The following ARID1A variants were observed in gnomAD, a reference collection of about 807,000 sequenced individuals.
The protein encoded by ARID1A is AT-rich interaction domain 1A, also known as AT-rich interactive domain-containing protein 1A.
Under a neutral mutation model 212.6 loss-of-function variants are expected in ARID1A, and 20 were observed. The ratio of observed to expected loss-of-function variants is 0.09; its 90% CI spans 0.07 to 0.14. ARID1A has a LOEUF of 0.14. Among genes scored for constraint, ARID1A ranks in the 10% least tolerant of loss-of-function variants. The probability of loss-of-function intolerance (pLI) is 1.00; values close to 1 mark genes in which losing one functional copy is unlikely to be tolerated. For synonymous variants in ARID1A, 1,376 were observed against 1,222.1 expected, an observed-to-expected ratio of 1.13 and a Z score of -2.63; for missense variants, 2,587 against 3,059.0, an observed-to-expected ratio of 0.85 and a Z score of 3.64.
chr1:26,722,931 A>G (rs373974221), intron 1 of ARID1A, among the ~76,000 whole-genome samples: 2 of 152,242 alleles, frequency 1.3e-5, no homozygotes, highest in African/African-American at 4.8e-5. Context: ...ATGTTTCCCC[A>G]CTATTTAAAA....
intron 1 of ARID1A, among the ~76,000 whole-genome samples, chr1:26,706,277 C>T (rs1186236842): frequency 1.3e-5 from 2 of 152,158 alleles, no homozygotes; most frequent in African/African-American, 2.4e-5. Context: ...TTTTCCATGG[C>T]TCATCACTAG....
chr1:26,709,047 C>T (rs1199254237), intron 1 of ARID1A, among the ~76,000 whole-genome samples: 1 of 152,050 alleles, frequency 6.6e-6, no homozygotes, highest in Non-Finnish European at 1.5e-5. Flanking sequence ...AAGTTGAGTG[C>T]CACATACAAA....
At chr1:26,747,049 AAAAC>A (rs760121756) in intron 4 of ARID1A, among the ~76,000 whole-genome samples, 39 of 152,290 alleles carry the variant, frequency 2.6e-4, no homozygotes, top group Non-Finnish European at 2.1e-4. Flanking sequence ...TCAAAAAAAC[AAAAC>A]AAACAAACAA....
At chr1:26,702,024 C>G (rs2080335915) in intron 1 of ARID1A, among the ~76,000 whole-genome samples, 1 of 152,100 alleles carries the variant, frequency 6.6e-6, no homozygotes, top group African/African-American at 2.4e-5. Flanking sequence ...TTCATAAGTT[C>G]AGTGTTGATA....
Position 26,705,142 on chromosome 1 carries a change from C to T in ARID1A, c.1137+7602C>T, listed in dbSNP as rs552713317. 3.3e-5 allele frequency among the ~76,000 whole-genome samples: 5 copies of T among 151,680 alleles called. No homozygotes were observed. The East Asian group carries it at 7.8e-4, about 24-fold the overall frequency. ...TGCTCCAGTACAGAAGTACTGCAGA[C>T]CTTTTTTTTTTTTTGAGATGGAGTC... On this transcript the variant is annotated intron_variant, in intron 1 of 19. Coordinates refer to ENST00000324856, the MANE Select transcript of ARID1A (RefSeq NM_006015.6).
intron 1 of ARID1A, among the ~76,000 whole-genome samples, chr1:26,725,910 G>A (rs768062595): frequency 2.7e-5 from 4 of 148,642 alleles, no homozygotes; most frequent in South Asian, 2.1e-4. Flanking sequence ...GCTGGAGTGC[G>A]GTGGCACAAT....
intron 19 of ARID1A, among the ~76,000 whole-genome samples, chr1:26,777,657 G>T (rs913686974): frequency 1.3e-5 from 2 of 152,142 alleles, no homozygotes; most frequent in East Asian, 3.9e-4. Flanking sequence ...TACTGGCTGG[G>T]TGCAGTGGCT....
In ARID1A at chr1:26,774,950, C is replaced by T. The variant is rs1374393812; in HGVS notation, c.4723C>T (p.Pro1575Ser). Residue 1575 changes from proline to serine, a missense_variant, in exon 18 of 20, where the codon CCA becomes TCA. Physicochemically the swap from Pro to Ser is moderately conservative, Grantham distance 74. Coordinates refer to ENST00000324856, the MANE Select transcript of ARID1A (RefSeq NM_006015.6). This position sits in a 1 kb window ranked among gnomAD's most constrained non-coding sequence, Gnocchi z 5.6. ...TRPPPSNYQP[P>S]PSMQNHIPQV... ...GCCCCCTCCATCTAACTACCAGCCC[C>T]CACCAAGCATGCAGAATCACATTCC... 4 of 1,451,518 alleles carry T rather than the reference C, an allele frequency of 2.8e-6. No homozygotes were observed. The East Asian group carries it at 1.1e-4, about 41-fold the overall frequency. The allele number at this position is 1,451,518 out of a possible 1,614,324, so 89.9% of individuals were successfully genotyped here. A position where few individuals can be genotyped will look rare whatever the true frequency, so the allele number is the denominator to read the frequency against.
intron 1 of ARID1A, among the ~76,000 whole-genome samples, chr1:26,702,538 C>T (rs1442714711): frequency 6.6e-6 from 1 of 152,164 alleles, no homozygotes; most frequent in African/African-American, 2.4e-5. Flanking sequence ...GCTGAGCTGT[C>T]AATATGTACC....
Position 26,731,192 on chromosome 1 carries a change from A to C in ARID1A, c.1391A>C (p.Gln464Pro), listed in dbSNP as rs2080672701. The change falls in exon 3 of 20, where the codon CAA becomes CCA. Residue 464 changes from glutamine (Q) to proline (P), a missense_variant. Physicochemically the swap from Gln to Pro is moderately conservative, Grantham distance 76 (BLOSUM62 -1). Coordinates refer to ENST00000324856, the MANE Select transcript of ARID1A (RefSeq NM_006015.6). ...CAACAAGGCCCCAGCGGGTATGGTC[A>C]ACAGGGCCAGACTCCATATTACAAC... Reference protein sequence around the residue: ...YGQQGPSGYGQQGQTPYYNQQ... With the variant: ...YGQQGPSGYGPQGQTPYYNQQ... 6.2e-7 allele frequency: 1 copy of C among 1,613,964 alleles called. No homozygotes were observed.
intron 1 of ARID1A, among the ~76,000 whole-genome samples, chr1:26,699,837 A>C (rs1478358870): frequency 1.3e-5 from 2 of 152,206 alleles, no homozygotes; most frequent in Non-Finnish European, 2.9e-5. Flanking sequence ...GGAAATATTT[A>C]GTCAAAGGTT....
At chr1:26,736,916 A>G (rs926310521) in intron 4 of ARID1A, among the ~76,000 whole-genome samples, 2 of 150,958 alleles carry the variant, frequency 1.3e-5, no homozygotes, top group African/African-American at 4.9e-5. Context: ...AAAAAAAAAA[A>G]AAAAAACCCT....
intron 4 of ARID1A, among the ~76,000 whole-genome samples, chr1:26,747,838 A>G (rs2080852161): frequency 6.6e-6 from 1 of 151,940 alleles, no homozygotes; most frequent in Admixed American, 6.6e-5. Context: ...TGACAGAGCA[A>G]GACCCTATCT....
At chr1:26,741,324 A>T (rs1473146459) in intron 4 of ARID1A, among the ~76,000 whole-genome samples, 1 of 152,210 alleles carries the variant, frequency 6.6e-6, no homozygotes, top group Non-Finnish European at 1.5e-5. Context: ...AAAGCATTTT[A>T]TTGGGATCCT....
chr1:26,764,052 C>G (rs1438065321), intron 8 of ARID1A, among the ~76,000 whole-genome samples: 1 of 152,116 alleles, frequency 6.6e-6, no homozygotes, highest in Non-Finnish European at 1.5e-5. Context: ...TCACTGCCAC[C>G]TCTGCTTTCC....
chr1:26,780,121 C>T lies in ARID1A; in HGVS notation c.6223C>T (p.Pro2075Ser), dbSNP rs2124146958. 1 of 1,614,174 alleles carries T rather than the reference C, an allele frequency of 6.2e-7. No individual in the cohort carries two copies. Among genetic ancestry groups the T allele is most frequent in the Non-Finnish European group, 8.5e-7 (1 of 1,180,038 alleles). The change falls in exon 20 of 20, where the codon CCA becomes TCA. Residue 2075 changes from proline (P) to serine (S), a missense_variant. By Grantham distance (74) the Pro-to-Ser change is moderately conservative. Coordinates refer to ENST00000324856, the MANE Select transcript of ARID1A (RefSeq NM_006015.6). The surrounding 1 kb of genome is among the most constrained non-coding windows in gnomAD (Gnocchi z 7.2). ...ANISGQLDLS[P>S]YPESICLPVL... ...CATCTCGGGGCAGTTGGACCTATCTCCATACCCCGAGAGCATTTGCCTGCC... is the reference window on the plus strand; with the variant it reads ...CATCTCGGGGCAGTTGGACCTATCTTCATACCCCGAGAGCATTTGCCTGCC...
rs1310926680 is a variant in ARID1A at position 26,774,503 on chromosome 1, G to A, written c.4276G>A (p.Asp1426Asn). ...AGCTGCCCAGCCTTCCCCTCAGCAA[G>A]ATGTATACAACCAGTATGGCAATGC... ...QQAAQPSPQQ[D>N]VYNQYGNAYP... The change falls in exon 18 of 20, where the codon GAT becomes AAT. Residue 1426 changes from aspartate to asparagine, a missense_variant. Asp to Asn is a conservative substitution (Grantham distance 23). Around this residue, in one of 11 missense-constraint regions of ARID1A, gnomAD observed 890 missense variants for 1,098.2 expected, o/e 0.81. Transcript: ENST00000324856. This position sits in a 1 kb window ranked among gnomAD's most constrained non-coding sequence, Gnocchi z 5.6. 1.2e-6 allele frequency: 2 copies of A among 1,613,748 alleles called. No individual in the cohort carries two copies. Among genetic ancestry groups the A allele is most frequent in the East Asian group, 2.2e-5 (1 of 44,878 alleles).
intron 1 of ARID1A, among the ~76,000 whole-genome samples, chr1:26,726,044 G>A (rs1235861596): frequency 1.3e-5 from 2 of 151,644 alleles, no homozygotes; most frequent in Non-Finnish European, 2.9e-5. Flanking sequence ...TAGTAGAGAC[G>A]GGGTTTCACC....
chr1:26,772,967 C>T lies in ARID1A; in HGVS notation c.3695C>T (p.Pro1232Leu). 1 of 1,610,874 alleles carries T rather than the reference C, an allele frequency of 6.2e-7. No homozygotes were observed. ...GRMSYEPNKD[P>L]YGSMRKAPGS... ...ATGTCCTATGAGCCAAATAAGGATCCTTATGGCAGCATGAGGAAAGGTGAC... is the reference window on the plus strand; with the variant it reads ...ATGTCCTATGAGCCAAATAAGGATCTTTATGGCAGCATGAGGAAAGGTGAC... Residue 1232 changes from proline (P) to leucine (L), a missense_variant, in exon 14 of 20, where the codon CCT becomes CTT. Physicochemically the swap from Pro to Leu is moderately conservative, Grantham distance 98. Coordinates refer to ENST00000324856, the MANE Select transcript of ARID1A (RefSeq NM_006015.6).
Sources: gnomAD v4.1 joint callset for allele counts (sites outside exome capture counted in the v4.1 genomes callset) on GRCh38, gnomAD v4.1.1 for gene constraint, gnomAD v4.1.1 regional missense constraint, Gnocchi (gnomAD v3.1) non-coding constraint, MANE v1.5 for transcripts, NCBI Gene and HGNC (gene_info 2026-07-23, HGNC 2026-07-21) for gene names.